CPAP: variants seen among roughly 807,000 people sequenced by gnomAD.
CPAP encodes the protein centrosome assembly and centriole elongation protein.
At chr13:24,926,448 CT>C in the CPAP span, among the ~76,000 whole-genome samples, 1 of 152,120 alleles carries the variant, frequency 6.6e-6, no homozygotes, top group Non-Finnish European at 1.5e-5. Context: ...GAGGGGAAAT[CT>C]TAAATAACAT....
At chr13:24,924,755 C>T in the CPAP span, 1 of 152,182 alleles carries the variant, frequency 6.6e-6, no homozygotes, top group African/African-American at 2.4e-5. Context: ...GAGGGCACTC[C>T]TATGTCATGG....
At chr13:24,892,580 T>C in the CPAP span, 1 of 1,281,232 alleles carries the variant, frequency 7.8e-7, no homozygotes, top group Non-Finnish European at 1.1e-6. Context: ...ACTCTATGAA[T>C]TTGAATGCTC....
At chr13:24,906,632 G>A in the CPAP span, 1 of 1,614,100 alleles carries the variant, frequency 6.2e-7, no homozygotes, top group African/African-American at 1.3e-5. Flanking sequence ...TCCTGACGGA[G>A]AAAGACTTTT....
At chr13:24,906,402 TG>T in the CPAP span, 14 of 1,612,986 alleles carry the variant, frequency 8.7e-6, no homozygotes, top group Non-Finnish European at 1.2e-5. Context: ...GACTCTTTCA[TG>T]GTCTCCCTTA....
chr13:24,909,810 T>C, the CPAP span: 3 of 1,612,898 alleles, frequency 1.9e-6, no homozygotes, highest in Non-Finnish European at 2.5e-6. Context: ...GTTACGGTTT[T>C]CTTCTTTTAA....
the CPAP span, chr13:24,912,642 A>C: frequency 2.4e-5 from 39 of 1,613,612 alleles, no homozygotes; most frequent in Non-Finnish European, 9.3e-6. Flanking sequence ...CACTCGCAAG[A>C]TCTGGGATGA....
At chr13:24,928,245 A>G in the CPAP span, among the ~76,000 whole-genome samples, 201 of 152,164 alleles carry the variant, frequency 1.3e-3, no homozygotes, top group Non-Finnish European at 2.5e-3. Context: ...AGTCTGCAGG[A>G]CAGACCTGGC....
At chr13:24,882,847 T>C in the CPAP span, 1 of 336,460 alleles carries the variant, frequency 3.0e-6, no homozygotes, top group Non-Finnish European at 5.7e-6. Context: ...GTGGGACATC[T>C]AGGTGATGTA....
At chr13:24,906,817 G>A in the CPAP span, 19 of 1,614,018 alleles carry the variant, frequency 1.2e-5, no homozygotes, top group South Asian at 7.7e-5. Context: ...GCTGGTCCTC[G>A]GAAGTGCTCT....
At chr13:24,912,682 G>A in the CPAP span, 1 of 1,613,996 alleles carries the variant, frequency 6.2e-7, no homozygotes, top group Non-Finnish European at 8.5e-7. Flanking sequence ...CTGGTGTCCA[G>A]GAGCACTGTG....
At chr13:24,899,547 C>G in the CPAP span, 1 of 1,613,796 alleles carries the variant, frequency 6.2e-7, no homozygotes, top group African/African-American at 1.3e-5. Context: ...CGAGCTAATT[C>G]TTTTGCTTTC....
chr13:24,884,730 C>A, the CPAP span, among the ~76,000 whole-genome samples: 1 of 152,190 alleles, frequency 6.6e-6, no homozygotes, highest in African/African-American at 2.4e-5. Context: ...ACAGGAAAGT[C>A]TAACTACTGC....
chr13:24,889,418 ATTT>A, the CPAP span: 1 of 1,518,642 alleles, frequency 6.6e-7, no homozygotes, highest in South Asian at 1.1e-5. Context: ...ATAAGAGATA[ATTT>A]TTTATTTAAA....
chr13:24,931,991 C>T, the CPAP span, among the ~76,000 whole-genome samples: 1 of 152,238 alleles, frequency 6.6e-6, no homozygotes, highest in Non-Finnish European at 1.5e-5. Flanking sequence ...GAGGCCGGGT[C>T]CCGCTCCCCA....
the CPAP span, chr13:24,932,916 A>G: frequency 7.3e-6 from 6 of 825,238 alleles, no homozygotes; most frequent in Non-Finnish European, 1.2e-5. Context: ...GGTAATGCCT[A>G]ATTTTTCCAG....
At chr13:24,908,161 A>G in the CPAP span, 3 of 1,427,088 alleles carry the variant, frequency 2.1e-6, no homozygotes, top group Admixed American at 5.0e-5. Context: ...TAGCTCAAGA[A>G]AAGCATATTA....
the CPAP span, chr13:24,906,322 AT>A: frequency 6.2e-7 from 1 of 1,606,142 alleles, no homozygotes; most frequent in Non-Finnish European, 8.5e-7. Context: ...CTAATTCCAA[AT>A]TTTCCTTTTC....
chr13:24,915,345 T>C, the CPAP span, among the ~76,000 whole-genome samples: 7 of 152,094 alleles, frequency 4.6e-5, no homozygotes, highest in East Asian at 1.9e-4. Context: ...AAGATGCCTA[T>C]GAAATATGCA....
At chr13:24,891,574 C>T in the CPAP span, among the ~76,000 whole-genome samples, 1 of 152,066 alleles carries the variant, frequency 6.6e-6, no homozygotes, top group South Asian at 2.1e-4. Context: ...ACCAATCACA[C>T]ACACAGCTCA....
Sources: gnomAD v4.1 joint callset for allele counts (sites outside exome capture counted in the v4.1 genomes callset) on GRCh38, gnomAD v4.1.1 for gene constraint, MANE v1.5 for transcripts, NCBI Gene and HGNC (gene_info 2026-07-23, HGNC 2026-07-21) for gene names.